Variants in ZNF777 observed in about 807,000 individuals in gnomAD.
ZNF777 encodes the protein zinc finger protein 777.
ZNF777 carries 7 observed loss-of-function variants against 72.1 expected under a neutral mutation model. That is an observed-to-expected ratio of 0.10 (90% confidence interval 0.06 to 0.18). ZNF777 has a LOEUF of 0.18. ZNF777 is among the 10% of genes least tolerant of loss of function. The probability of loss-of-function intolerance (pLI) is 1.00; values close to 1 mark genes in which losing one functional copy is unlikely to be tolerated. For missense variants in ZNF777, 828 were observed against 1,128.6 expected (o/e 0.73, Z 3.82); for synonymous variants, 545 against 483.5 (o/e 1.13, Z -1.67).
intron 4 of ZNF777, among the ~76,000 whole-genome samples, chr7:149,449,201 A>AGTGT (rs1214807174): frequency 1.6e-4 from 24 of 152,342 alleles, no homozygotes; most frequent in African/African-American, 5.3e-4. Context: ...TCTGAGGGGC[A>AGTGT]GCGGTACCTA....
At position 149,431,752 on chromosome 7, in the gene ZNF777, G is replaced by GGGC. The variant is rs540653810; in HGVS notation, c.*21_*23dup. On this transcript the variant is annotated 3_prime_UTR_variant, in exon 6 of 6. Transcript: ENST00000247930. ...GGGGGCACGGCCCGCGCACCTGGCCGGGCGGCGGCGGCGGGGCGCGCGCTC... is the reference window on the plus strand; with the variant it reads ...GGGGGCACGGCCCGCGCACCTGGCCGGGCGGCGGCGGCGGCGGGGCGCGCGCTC... 8.5e-4 allele frequency: 1,217 copies of GGGC among 1,431,024 alleles called. 8 individuals are homozygous for GGGC. The African/African-American group carries it at 0.01, about 12-fold the overall frequency. The allele number at this position is 1,431,024 out of a possible 1,614,324, so 88.6% of individuals were successfully genotyped here.
intron 5 of ZNF777, 152 bp from the exon 6 acceptor site, chr7:149,433,084 C>T: frequency 1.6e-6 from 2 of 1,241,936 alleles, no homozygotes; most frequent in Non-Finnish European, 2.1e-6. Context: ...ATTGCGTCCC[C>T]TGGTCCGCTC....
intron 2 of ZNF777, among the ~76,000 whole-genome samples, chr7:149,454,458 G>A (rs1035885981): frequency 6.6e-6 from 1 of 152,188 alleles, no homozygotes; most frequent in Non-Finnish European, 1.5e-5. Flanking sequence ...ATGGTCTGTG[G>A]ACCAGCAGCA....
Position 149,454,228 on chromosome 7 carries a change from T to C in ZNF777, c.856A>G (p.Thr286Ala). The change falls in exon 3 of 6, where the codon ACA becomes GCA. Residue 286 changes from threonine to alanine, a missense_variant. By Grantham distance (58) the Thr-to-Ala change is moderately conservative. This residue lies in a region of ZNF777 where 76 missense variants were observed against 157.3 expected (regional missense o/e 0.48). Transcript: ENST00000247930. Reference protein sequence around the residue: ...SNGEVPKVPVTFDDVAVHFSE... With the variant: ...SNGEVPKVPVAFDDVAVHFSE... ...AAGTGCACAGCAACATCATCAAATG[T>C]GACAGGGACCTGAAACCACACAATA... The C allele has an allele frequency of 6.2e-7, 1 of 1,614,090 alleles. No individual in the cohort carries two copies. Among genetic ancestry groups the C allele is most frequent in the Non-Finnish European group, 8.5e-7 (1 of 1,180,000 alleles).
chr7:149,455,865 T>G lies in ZNF777; in HGVS notation c.158A>C (p.Gln53Pro). The change falls in exon 2 of 6, where the codon CAA becomes CCA. Residue 53 changes from glutamine (Q) to proline (P), a missense_variant. Gln to Pro is a moderately conservative substitution (Grantham distance 76). Coordinates refer to ENST00000247930, the MANE Select transcript of ZNF777 (RefSeq NM_015694.3). This position sits in a 1 kb window ranked among gnomAD's most constrained non-coding sequence, Gnocchi z 4.2. Reference sequence around the variant, plus strand: ...ACTGGAAGTTTGGGGCAGGGAGCCTTGACGGGGAATGGTGGGAGACAAAGA... The same window carrying G: ...ACTGGAAGTTTGGGGCAGGGAGCCTGGACGGGGAATGGTGGGAGACAAAGA... Reference protein sequence around the residue: ...IPSLSPTIPRQGSLPQTSSAP... With the variant: ...IPSLSPTIPRPGSLPQTSSAP... 1 of 1,613,546 alleles carries G rather than the reference T, an allele frequency of 6.2e-7. No homozygotes were observed. Among genetic ancestry groups the G allele is most frequent in the Non-Finnish European group, 8.5e-7 (1 of 1,179,944 alleles).
At chr7:149,434,063 CTTA>C (rs1339301851) in intron 5 of ZNF777, among the ~76,000 whole-genome samples, 1 of 151,930 alleles carries the variant, frequency 6.6e-6, no homozygotes, top group African/African-American at 2.4e-5. Flanking sequence ...AGCACAGTAT[CTTA>C]TTATAGGACG....
chr7:149,455,671 G>A lies in ZNF777; in HGVS notation c.352C>T (p.Leu118Phe). 6.4e-7 allele frequency: 1 copy of A among 1,568,264 alleles called. No homozygotes were observed. Among genetic ancestry groups the A allele is most frequent in the Non-Finnish European group, 8.6e-7 (1 of 1,157,396 alleles). Residue 118 changes from leucine to phenylalanine, a missense_variant, in exon 2 of 6, where the codon CTC becomes TTC. Coordinates refer to ENST00000247930, the MANE Select transcript of ZNF777 (RefSeq NM_015694.3). This position sits in a 1 kb window ranked among gnomAD's most constrained non-coding sequence, Gnocchi z 4.2. ...TCCTGGTGGTGGGGGGAGTGGGAGA[G>A]AAGGGAGACTTCTTGTTCAGCAGCA... ...PAAAEQEVSL[L>F]SHSPHHQEAP...
chr7:149,458,502 G>GAAACAAAACAAAACAAAACA (rs59457062), intron 1 of ZNF777, among the ~76,000 whole-genome samples: 144 of 149,356 alleles, frequency 9.6e-4, no homozygotes, highest in East Asian at 7.6e-3. Flanking sequence ...CTGAAACAAT[G>GAAACAAAACAAAACAAAACA]AAACAAAACA....
In ZNF777 at chr7:149,455,026, G is replaced by T; in HGVS notation, c.846+151C>A. On this transcript the variant is annotated intron_variant, in intron 2 of 5. Coordinates refer to ENST00000247930, the MANE Select transcript of ZNF777 (RefSeq NM_015694.3). The surrounding 1 kb of genome is among the most constrained non-coding windows in gnomAD (Gnocchi z 4.2). ...CTAGCCTATACTCTCATCAACAGGAGAAATAATTTGATTTTGGCATGTCCT... is the reference window on the plus strand; with the variant it reads ...CTAGCCTATACTCTCATCAACAGGATAAATAATTTGATTTTGGCATGTCCT... The T allele has an allele frequency of 1.0e-6, 1 of 982,886 alleles. No individual in the cohort carries two copies. The highest frequency in any genetic ancestry group is 1.5e-6 in the Non-Finnish European group (1 of 661,478). The allele number at this position is 982,886 out of a possible 1,614,324, so 60.9% of individuals were successfully genotyped here.
chr7:149,457,345 T>C (rs568358312), intron 1 of ZNF777, among the ~76,000 whole-genome samples: 52 of 152,360 alleles, frequency 3.4e-4, no homozygotes, highest in Non-Finnish European at 5.9e-5. Context: ...CTTCCTTCAG[T>C]CAATCTGCTC....
Position 149,447,155 on chromosome 7 carries a change from C to G in ZNF777, c.1087+3844G>C, listed in dbSNP as rs183530621. Among the ~76,000 whole-genome samples the G allele has an allele frequency of 3.0e-4, 46 of 152,304 alleles. No homozygotes were observed. The East Asian group carries it at 7.5e-3, about 25-fold the overall frequency. The stretch of plus-strand genomic sequence containing the variant: ...AAAAATACTAACATCCGGGCCCCAT[C>G]ATGAACAACATATTCCAAATCCCCG... On this transcript the variant is annotated intron_variant, in intron 4 of 5. Coordinates refer to ENST00000247930, the MANE Select transcript of ZNF777 (RefSeq NM_015694.3).
At chr7:149,438,907 A>AC (rs968697806) in intron 4 of ZNF777, among the ~76,000 whole-genome samples, 80 of 150,752 alleles carry the variant, frequency 5.3e-4, no homozygotes, top group African/African-American at 7.8e-4. Flanking sequence ...GTTCTCATTT[A>AC]CCCCCCCGCC....
chr7:149,454,937 C>T (rs953220054), intron 2 of ZNF777, among the ~76,000 whole-genome samples: 1 of 152,236 alleles, frequency 6.6e-6, no homozygotes, highest in African/African-American at 2.4e-5. Flanking sequence ...TCTCTCACAC[C>T]ATGGACAGCT....
At chr7:149,441,374 A>C (rs1799511620) in intron 4 of ZNF777, among the ~76,000 whole-genome samples, 1 of 152,228 alleles carries the variant, frequency 6.6e-6, no homozygotes, top group Non-Finnish European at 1.5e-5. Flanking sequence ...TGAACAAAAA[A>C]ATTTATGTAT....
intron 1 of ZNF777, among the ~76,000 whole-genome samples, chr7:149,458,013 T>C (rs1799865904): frequency 1.3e-5 from 2 of 152,218 alleles, no homozygotes; most frequent in Non-Finnish European, 2.9e-5. Context: ...GAATCCTTTT[T>C]ACCTCTAAAA....
At chr7:149,438,969 C>T (rs942672205) in intron 4 of ZNF777, among the ~76,000 whole-genome samples, 1 of 152,172 alleles carries the variant, frequency 6.6e-6, no homozygotes, top group African/African-American at 2.4e-5. Flanking sequence ...AACTCTCCCA[C>T]TCTCTCCAAA....
At chr7:149,459,813 C>A in intron 1 of ZNF777, 1 of 984,918 alleles carries the variant, frequency 1.0e-6, no homozygotes, top group Non-Finnish European at 1.2e-6. Context: ...GGCGGCTACC[C>A]CGACGGACGC....
chr7:149,435,965 C>T (rs1799403381), intron 5 of ZNF777, among the ~76,000 whole-genome samples: 2 of 152,180 alleles, frequency 1.3e-5, no homozygotes, highest in Non-Finnish European at 2.9e-5. Context: ...TAGGGCTTTT[C>T]CCGGGCCTGC....
At chr7:149,450,222 C>T (rs1382230903) in intron 4 of ZNF777, among the ~76,000 whole-genome samples, 1 of 152,194 alleles carries the variant, frequency 6.6e-6, no homozygotes, top group Non-Finnish European at 1.5e-5. Flanking sequence ...CTTCAGAGAG[C>T]AACCATGCAC....
Sources: gnomAD v4.1 joint callset for allele counts (sites outside exome capture counted in the v4.1 genomes callset) on GRCh38, gnomAD v4.1.1 for gene constraint, gnomAD v4.1.1 regional missense constraint, Gnocchi (gnomAD v3.1) non-coding constraint, MANE v1.5 for transcripts, NCBI Gene and HGNC (gene_info 2026-07-23, HGNC 2026-07-21) for gene names.